TMPRSS11E: variants seen among roughly 807,000 people sequenced by gnomAD.
The protein encoded by TMPRSS11E is transmembrane serine protease 11E, also known as transmembrane protease serine 11E.
In TMPRSS11E, 38 loss-of-function variants were observed where a neutral mutation model predicts 48.1. The ratio of observed to expected loss-of-function variants is 0.79; its 90% CI spans 0.61 to 1.04. The LOEUF (loss-of-function observed/expected upper bound fraction) is 1.04, where lower values mean the gene tolerates loss of function less well. Among genes scored for constraint, TMPRSS11E ranks in the 50% least tolerant of loss-of-function variants. The pLI, the probability that TMPRSS11E is intolerant of heterozygous loss-of-function variation, is 0.00. For synonymous variants in TMPRSS11E, 158 were observed against 171.9 expected, an observed-to-expected ratio of 0.92 and a Z score of 0.63; for missense variants, 530 against 510.8, an observed-to-expected ratio of 1.04 and a Z score of -0.36.
At position 68,461,916 on chromosome 4, in the gene TMPRSS11E, T is replaced by A. The variant is rs151337153; in HGVS notation, c.107T>A (p.Ile36Asn). Residue 36 changes from isoleucine to asparagine, a missense_variant, in exon 2 of 10, where the codon ATT (isoleucine) becomes AAT (asparagine). By Grantham distance (149) the Ile-to-Asn change is moderately radical. Coordinates refer to ENST00000305363, the MANE Select transcript of TMPRSS11E (RefSeq NM_014058.4). ...FISLIVLAVC[I>N]GLTVHYVRYN... is the part of the protein sequence containing the mutation. ...TCCCTGATTGTCCTGGCAGTGTGCA[T>A]TGGACTCACTGTTCATTATGTGAGA... 2.5e-6 allele frequency: 4 copies of A among 1,614,044 alleles called. No homozygotes were observed. Among genetic ancestry groups the A allele is most frequent in the Non-Finnish European group, 3.4e-6 (4 of 1,180,026 alleles).
chr4:68,491,120 G>A (rs1244301945), intron 9 of TMPRSS11E, among the ~76,000 whole-genome samples: 2 of 151,704 alleles, frequency 1.3e-5, no homozygotes, highest in African/African-American at 4.8e-5. Context: ...AGCCTGGTAA[G>A]CATGGAAGTC....
intron 9 of TMPRSS11E, among the ~76,000 whole-genome samples, chr4:68,483,949 T>C (rs997425237): frequency 1.3e-5 from 2 of 152,216 alleles, no homozygotes; most frequent in African/African-American, 4.8e-5. Flanking sequence ...GTTGTAGACA[T>C]GCAGCTTTAC....
At chr4:68,491,458 G>A (rs1729720763) in intron 9 of TMPRSS11E, among the ~76,000 whole-genome samples, 1 of 151,308 alleles carries the variant, frequency 6.6e-6, no homozygotes, top group Admixed American at 6.6e-5. Flanking sequence ...GTTTGTTTTA[G>A]CCATATTTAG....
chr4:68,478,696 C>A (rs955823683), intron 8 of TMPRSS11E, among the ~76,000 whole-genome samples, 153 bp from the exon 9 acceptor site: 1 of 152,064 alleles, frequency 6.6e-6, no homozygotes, highest in Admixed American at 6.6e-5. Flanking sequence ...TTCAAGCGAT[C>A]CTCCAATCTC....
intron 9 of TMPRSS11E, among the ~76,000 whole-genome samples, chr4:68,489,548 G>A (rs1367771330): frequency 6.6e-6 from 1 of 152,224 alleles, no homozygotes; most frequent in Non-Finnish European, 1.5e-5. Flanking sequence ...TCAGTGGCTG[G>A]AGGCTGCAGG....
chr4:68,465,959 T>A (rs2109679993), intron 2 of TMPRSS11E, among the ~76,000 whole-genome samples: 1 of 152,324 alleles, frequency 6.6e-6, no homozygotes, highest in African/African-American at 2.4e-5. Context: ...TTAAATTGAA[T>A]GCAGAATGTA....
intron 9 of TMPRSS11E, among the ~76,000 whole-genome samples, chr4:68,492,981 T>C (rs966559286): frequency 1.3e-5 from 2 of 152,196 alleles, no homozygotes; most frequent in African/African-American, 4.8e-5. Context: ...GAAAACATCG[T>C]GCACTTTTAC....
In TMPRSS11E at chr4:68,477,393, T is replaced by G. The variant is rs1729252261; in HGVS notation, c.732T>G (p.Thr244=). ...FTTYKNPARW[T]ASFGVTIKPS... Reference sequence around the variant, plus strand: ...GATATAAGAACCCTGCCAGATGGACTGCTTCCTTTGGAGTAACAATAAAAC... The same window carrying G: ...GATATAAGAACCCTGCCAGATGGACGGCTTCCTTTGGAGTAACAATAAAAC... The change falls in exon 8 of 10, where the codon ACT becomes ACG. Residue 244 remains threonine, a synonymous_variant. Coordinates refer to ENST00000305363, the MANE Select transcript of TMPRSS11E (RefSeq NM_014058.4). 1.2e-6 allele frequency: 2 copies of G among 1,613,854 alleles called. No individual in the cohort carries two copies. Among genetic ancestry groups the G allele is most frequent in the Non-Finnish European group, 8.5e-7 (1 of 1,179,924 alleles).
At chr4:68,473,921 A>T (rs1320333506) in intron 5 of TMPRSS11E, among the ~76,000 whole-genome samples, 1 of 151,942 alleles carries the variant, frequency 6.6e-6, no homozygotes, top group East Asian at 1.9e-4. Flanking sequence ...TCTAGAATAT[A>T]GATTTCCACT....
intron 9 of TMPRSS11E, among the ~76,000 whole-genome samples, chr4:68,489,494 G>C (rs753492873): frequency 1.3e-5 from 2 of 152,200 alleles, no homozygotes; most frequent in Non-Finnish European, 2.9e-5. Context: ...GCGTGCTGGT[G>C]GTGGGGCAGT....
intron 1 of TMPRSS11E, among the ~76,000 whole-genome samples, chr4:68,456,106 C>T (rs189349216): frequency 6.6e-6 from 1 of 151,976 alleles, no homozygotes; most frequent in African/African-American, 2.4e-5. Context: ...CAGTGGAGGT[C>T]AGAGACATTC....
chr4:68,476,397 T>A lies in TMPRSS11E; in HGVS notation c.666T>A (p.Ile222=). The change falls in exon 7 of 10, where the codon ATT becomes ATA. Residue 222 remains isoleucine, a synonymous_variant. Transcript: ENST00000305363. ...GTCATCGCTGTGGAGCAACCTTAAT[T>A]AATGCCACATGGCTTGTGAGTGCTG... ...DGSHRCGATL[I]NATWLVSAAH... The A allele has an allele frequency of 6.2e-7, 1 of 1,613,954 alleles. No homozygotes were observed. The highest frequency in any genetic ancestry group is 1.1e-5 in the South Asian group (1 of 91,056).
At chr4:68,463,571 G>A (rs576574801) in intron 2 of TMPRSS11E, among the ~76,000 whole-genome samples, 1 of 152,228 alleles carries the variant, frequency 6.6e-6, no homozygotes, top group South Asian at 2.1e-4. Flanking sequence ...CCAAAGTGTT[G>A]GGATTACAGG....
chr4:68,476,273 G>A lies in TMPRSS11E; in HGVS notation c.542G>A (p.Arg181Gln), dbSNP rs148482101. 1,350 of 1,614,064 alleles carry A rather than the reference G, an allele frequency of 8.4e-4. 12 individuals are homozygous for A. The African/African-American group carries it at 0.01, about 12-fold the overall frequency. The change falls in exon 7 of 10, where the codon CGA (arginine) becomes CAA (glutamine). Residue 181 changes from arginine to glutamine, a missense_variant. Physicochemically the swap from Arg to Gln is conservative, Grantham distance 43. Coordinates refer to ENST00000305363, the MANE Select transcript of TMPRSS11E (RefSeq NM_014058.4). ...DSYLNHCCGTRRSKTLGQSLR... is the reference protein window; with the variant it reads ...DSYLNHCCGTQRSKTLGQSLR... ...CTCTCTTTTGCAGGCTGCGGAACAC[G>A]AAGAAGTAAAACTCTAGGTCAGAGT...
intron 1 of TMPRSS11E, among the ~76,000 whole-genome samples, chr4:68,448,082 C>G (rs1728390712): frequency 6.6e-6 from 1 of 151,874 alleles, no homozygotes; most frequent in Non-Finnish European, 1.5e-5. Context: ...TCAACTTCTC[C>G]AAAGATAAGT....
Position 68,459,976 on chromosome 4 carries a change from CTT to C in TMPRSS11E, c.12-1841_12-1840del, listed in dbSNP as rs540232381. 1.4e-3 allele frequency among the ~76,000 whole-genome samples: 206 copies of C among 152,230 alleles called. 1 individual carries two copies. The highest frequency in any genetic ancestry group is 4.8e-3 in the African/African-American group (200 of 41,550). On this transcript the variant is annotated intron_variant, in intron 1 of 9. Coordinates refer to ENST00000305363, the MANE Select transcript of TMPRSS11E (RefSeq NM_014058.4). ...AAACATAATCTCATTGTGGAGAAGA[CTT>C]TTTATATTGCAGTAATTGACATTCT... is the stretch of plus-strand genomic sequence containing the variant.
chr4:68,493,711 C>T (rs1729793695), intron 9 of TMPRSS11E, among the ~76,000 whole-genome samples: 1 of 152,088 alleles, frequency 6.6e-6, no homozygotes, highest in Admixed American at 6.5e-5. Flanking sequence ...TGGTCTCAAG[C>T]TCCTGACCTC....
chr4:68,471,731 C>G, intron 5 of TMPRSS11E, 108 bp downstream of exon 5: 1 of 691,652 alleles, frequency 1.4e-6, no homozygotes, highest in Non-Finnish European at 2.3e-6. Context: ...TGGGGTCTTG[C>G]CACCAACAGT....
intron 9 of TMPRSS11E, among the ~76,000 whole-genome samples, chr4:68,479,333 C>T (rs1434197452): frequency 2.6e-5 from 4 of 151,962 alleles, no homozygotes; most frequent in Non-Finnish European, 5.9e-5. Context: ...ATTTATTCTC[C>T]ATCTCTATAA....
Sources: allele counts gnomAD v4.1 joint callset (sites outside exome capture counted in the v4.1 genomes callset), GRCh38; gene constraint gnomAD v4.1.1; transcripts MANE v1.5; gene names NCBI Gene and HGNC (gene_info 2026-07-23, HGNC 2026-07-21).